CABIN1: variants seen among roughly 807,000 people sequenced by gnomAD.
The protein encoded by CABIN1 is calcineurin binding protein 1.
A neutral mutation model predicts 227.7 loss-of-function variants in CABIN1; 133 were observed. The observed-to-expected ratio is 0.58, with a 90% CI of 0.51 to 0.67. The LOEUF is 0.67. Among genes scored for constraint, CABIN1 ranks in the 30% least tolerant of loss-of-function variants. The probability of loss-of-function intolerance (pLI) is 0.00; values close to 1 mark genes in which losing one functional copy is unlikely to be tolerated. For synonymous variants in CABIN1, 1,086 were observed against 1,155.1 expected (o/e 0.94, Z 1.21); for missense variants, 2,408 against 2,852.5 (o/e 0.84, Z 3.55).
chr22:24,055,790 A>G (rs1601820911), intron 9 of CABIN1, among the ~76,000 whole-genome samples: 1 of 152,268 alleles, frequency 6.6e-6, no homozygotes, highest in East Asian at 1.9e-4. Flanking sequence ...TATAGTTCAC[A>G]CTGTTCTTTT....
rs772370579 is a variant in CABIN1 at position 24,063,993 on chromosome 22, G to GGT, written c.1885-42_1885-41insGT. ...TAAAGCATCTGGCACATCATAGTCAGTCTTCTGCTTTGGTTCCCTGACCTG... is the reference window on the plus strand; with the variant it reads ...TAAAGCATCTGGCACATCATAGTCAGGTTCTTCTGCTTTGGTTCCCTGACCTG... On this transcript the variant is annotated intron_variant, in intron 14 of 36. Coordinates refer to ENST00000263119, the MANE Select transcript of CABIN1 (RefSeq NM_012295.4). 32 of 1,613,086 alleles carry GGT rather than the reference G, an allele frequency of 2.0e-5. No individual in the cohort carries two copies. In the East Asian group the frequency reaches 6.9e-4, roughly 35 times the overall value.
At chr22:24,112,921 C>G (rs763470653) in intron 26 of CABIN1, among the ~76,000 whole-genome samples, 3 of 152,168 alleles carry the variant, frequency 2.0e-5, no homozygotes, top group Admixed American at 6.5e-5. Flanking sequence ...CAGATCTGCA[C>G]TACTCCCAGG....
intron 16 of CABIN1, among the ~76,000 whole-genome samples, chr22:24,069,891 C>G (rs1263381590): frequency 1.3e-5 from 2 of 152,146 alleles, no homozygotes; most frequent in African/African-American, 4.8e-5. Context: ...GGAGCCGCTG[C>G]CAGGCCTGGG....
At chr22:24,073,429 A>G (rs2040230641) in intron 18 of CABIN1, among the ~76,000 whole-genome samples, 1 of 152,222 alleles carries the variant, frequency 6.6e-6, no homozygotes, top group Non-Finnish European at 1.5e-5. Flanking sequence ...TGGAAAGGAA[A>G]GAGTCATCCC....
chr22:24,060,648 G>A (rs2039121228), intron 12 of CABIN1, among the ~76,000 whole-genome samples: 1 of 152,078 alleles, frequency 6.6e-6, no homozygotes, highest in African/African-American at 2.4e-5. Context: ...GTCTTGCTCT[G>A]TTGCCTAGGC....
intron 1 of CABIN1, among the ~76,000 whole-genome samples, chr22:24,031,650 A>C (rs1259683756): frequency 1.3e-5 from 2 of 152,172 alleles, no homozygotes; most frequent in Non-Finnish European, 2.9e-5. Context: ...CAGTGGGATT[A>C]GAGGTGTTTT....
chr22:24,149,267 G>A (rs1362518798), intron 29 of CABIN1, among the ~76,000 whole-genome samples: 1 of 152,244 alleles, frequency 6.6e-6, no homozygotes, highest in Non-Finnish European at 1.5e-5. Flanking sequence ...CTTTGAGCAA[G>A]CTGGTCAGTG....
At chr22:24,077,859 T>C (rs186208017) in intron 19 of CABIN1, among the ~76,000 whole-genome samples, 1 of 152,336 alleles carries the variant, frequency 6.6e-6, no homozygotes, top group East Asian at 1.9e-4. Context: ...AGGATGGTCC[T>C]ATTTCATTTT....
chr22:24,106,053 C>T (rs2042495453), intron 26 of CABIN1, among the ~76,000 whole-genome samples: 1 of 152,214 alleles, frequency 6.6e-6, no homozygotes, highest in Non-Finnish European at 1.5e-5. Context: ...ATTCCCTCTC[C>T]ACACATACTC....
In CABIN1 at chr22:24,171,855, G is replaced by T. The variant is rs148842709; in HGVS notation, c.5900G>T (p.Arg1967Leu). Residue 1967 changes from arginine (R) to leucine (L), a missense_variant, in exon 34 of 37, where the codon CGC becomes CTC. By Grantham distance (102) the Arg-to-Leu change is moderately radical (BLOSUM62 -2). Transcript: ENST00000263119. The part of the protein sequence containing the change: ...QRPSDAHTKP[R>L]PALAAATTII... ...CCCAGTGATGCTCACACCAAGCCTC[G>T]CCCTGCACTAGCTGCCGCCACAACT... 505 of 1,614,076 alleles carry T rather than the reference G, an allele frequency of 3.1e-4. No homozygotes were observed. The highest frequency in any genetic ancestry group is 3.9e-4 in the Non-Finnish European group (461 of 1,180,036).
chr22:24,068,716 A>G (rs2039872622), intron 16 of CABIN1, among the ~76,000 whole-genome samples: 1 of 152,184 alleles, frequency 6.6e-6, no homozygotes, highest in African/African-American at 2.4e-5. Context: ...TTTTTTTCCC[A>G]ATTGTTTGCT....
Position 24,113,711 on chromosome 22 carries a change from G to A in CABIN1, c.4263G>A (p.Ala1421=), listed in dbSNP as rs2042929711. The A allele has an allele frequency of 8.7e-6, 14 of 1,613,814 alleles. No individual in the cohort carries two copies. Among genetic ancestry groups the A allele is most frequent in the African/African-American group, 2.7e-5 (2 of 74,934 alleles). Residue 1421 remains alanine, a synonymous_variant, in exon 27 of 37, where the codon GCG becomes GCA. Transcript: ENST00000263119. The stretch of plus-strand genomic sequence containing the variant: ...CCATTCTCAGTTCCCAAGCAGGAGC[G>A]ACGGGTAAAGATCTTCAGGGGGCCA... The part of the protein sequence containing the change: ...RLPILSSQAG[A]TGKDLQGATE...
chr22:24,064,355 G>C (rs561425474), intron 15 of CABIN1, among the ~76,000 whole-genome samples, 168 bp downstream of exon 15: 3 of 152,190 alleles, frequency 2.0e-5, no homozygotes, highest in African/African-American at 7.2e-5. Flanking sequence ...ACGGGTGCCC[G>C]CCGCCATGCC....
intron 26 of CABIN1, among the ~76,000 whole-genome samples, chr22:24,100,894 C>T (rs1215062877): frequency 6.6e-6 from 1 of 152,246 alleles, no homozygotes; most frequent in African/African-American, 2.4e-5. Flanking sequence ...GCAGCCACCT[C>T]CTGGATGGAG....
intron 29 of CABIN1, among the ~76,000 whole-genome samples, chr22:24,147,330 C>CCCTCCCTCCCTCCTT (rs2045200968): frequency 1.0e-5 from 1 of 100,458 alleles, no homozygotes; most frequent in Non-Finnish European, 2.1e-5. Context: ...CCTCCCTCCT[C>CCCTCCCTCCCTCCTT]TCCTCCCTCC....
intron 15 of CABIN1, among the ~76,000 whole-genome samples, chr22:24,065,695 G>A (rs963388043): frequency 1.3e-5 from 2 of 152,266 alleles, no homozygotes; most frequent in African/African-American, 4.8e-5. Flanking sequence ...TCACGCCATT[G>A]CACTCTAGCC....
intron 22 of CABIN1, among the ~76,000 whole-genome samples, 163 bp from the exon 23 acceptor site, chr22:24,087,289 T>TGGGTCA (rs567711600): frequency 5.1e-4 from 77 of 152,360 alleles, no homozygotes; most frequent in African/African-American, 1.6e-3. Context: ...ATGACTGGTC[T>TGGGTCA]GGGTCATGGT....
Position 24,026,660 on chromosome 22 carries a change from A to G in CABIN1, c.-74-8784A>G, listed in dbSNP as rs563534421. 2.0e-5 allele frequency among the ~76,000 whole-genome samples: 3 copies of G among 152,226 alleles called. No individual in the cohort carries two copies. In the East Asian group the frequency reaches 5.8e-4, roughly 29 times the overall value. Reference sequence around the variant, plus strand: ...GCAAAGAAGATTCTTTCTCCATTGAATTGCCTTTGCACCATAGTCAGTAAT... The same window carrying G: ...GCAAAGAAGATTCTTTCTCCATTGAGTTGCCTTTGCACCATAGTCAGTAAT... On this transcript the variant is annotated intron_variant, in intron 1 of 36. Coordinates refer to ENST00000263119, the MANE Select transcript of CABIN1 (RefSeq NM_012295.4).
intron 28 of CABIN1, among the ~76,000 whole-genome samples, chr22:24,123,825 C>T (rs2043560112): frequency 1.3e-5 from 2 of 152,282 alleles, no homozygotes; most frequent in African/African-American, 4.8e-5. Context: ...TAAAATCCTG[C>T]CTGTGGGCTT....
Sources: gnomAD v4.1 joint callset for allele counts (sites outside exome capture counted in the v4.1 genomes callset) on GRCh38, gnomAD v4.1.1 for gene constraint, MANE v1.5 for transcripts, NCBI Gene and HGNC (gene_info 2026-07-23, HGNC 2026-07-21) for gene names.